The following CEP112 variants were observed in gnomAD, a reference collection of about 807,000 sequenced individuals.
CEP112 encodes the protein centrosomal protein of 112 kDa.
Under a neutral mutation model 153.0 loss-of-function variants are expected in CEP112, and 127 were observed. The ratio of observed to expected loss-of-function variants is 0.83; its 90% CI spans 0.72 to 0.96. CEP112 has a LOEUF of 0.96. CEP112 is among the 40% of genes least tolerant of loss of function. The probability of loss-of-function intolerance (pLI) is 0.00; values close to 1 mark genes in which losing one functional copy is unlikely to be tolerated. For missense variants in CEP112, 1,089 were observed against 1,101.2 expected (o/e 0.99, Z 0.16); for synonymous variants, 358 against 374.4 (o/e 0.96, Z 0.51).
intron 8 of CEP112, among the ~76,000 whole-genome samples, chr17:66,089,481 A>G (rs1331338316): frequency 6.6e-6 from 1 of 152,230 alleles, no homozygotes; most frequent in East Asian, 1.9e-4. Context: ...GAGAAATTTA[A>G]CAGAGAAATT....
At chr17:65,995,050 G>A (rs2063734175) in intron 17 of CEP112, among the ~76,000 whole-genome samples, 1 of 151,760 alleles carries the variant, frequency 6.6e-6, no homozygotes. Context: ...CATCAAACCC[G>A]AAGAGCTCCC....
intron 26 of CEP112, 55 bp downstream of exon 26, chr17:65,637,069 C>T: frequency 7.5e-7 from 1 of 1,335,372 alleles, no homozygotes; most frequent in Non-Finnish European, 1.1e-6. Context: ...AGGAGGCTCA[C>T]AGGTGACACA....
intron 21 of CEP112, among the ~76,000 whole-genome samples, chr17:65,762,594 CAT>C (rs2052676470): frequency 6.6e-6 from 1 of 151,782 alleles, no homozygotes; most frequent in Admixed American, 6.6e-5. Flanking sequence ...TTTTTTAAAA[CAT>C]ATTTTTTACT....
Position 65,863,484 on chromosome 17 carries a change from T to C in CEP112, c.2164-11450A>G, listed in dbSNP as rs962802190. On this transcript the variant is annotated intron_variant, in intron 20 of 26. Transcript: ENST00000535342. ...TAGGCATGATTAAAAATAAACAAAA[T>C]GGGCCGGGCGCGGTGGCTCACGCCT... 4.6e-5 allele frequency among the ~76,000 whole-genome samples: 7 copies of C among 151,888 alleles called. 1 individual carries two copies. Among genetic ancestry groups the C allele is most frequent in the Non-Finnish European group, 1.0e-4 (7 of 67,990 alleles).
intron 8 of CEP112, among the ~76,000 whole-genome samples, chr17:66,092,453 T>C (rs1234639237): frequency 6.6e-6 from 1 of 151,042 alleles, no homozygotes; most frequent in African/African-American, 2.4e-5. Flanking sequence ...CTACCAAACA[T>C]TGAAAGACCT....
intron 4 of CEP112, among the ~76,000 whole-genome samples, chr17:66,153,108 T>C (rs1461266138): frequency 1.3e-5 from 2 of 152,142 alleles, no homozygotes; most frequent in Non-Finnish European, 2.9e-5. Flanking sequence ...GGATACAAAA[T>C]GGAACAGCCA....
rs1323777396 is a variant in CEP112 at position 65,660,336 on chromosome 17, T to G, written c.2698-19271A>C. 4.1e-5 allele frequency among the ~76,000 whole-genome samples: 4 copies of G among 97,212 alleles called. No homozygotes were observed. In the East Asian group the frequency reaches 1.4e-3, roughly 35 times the overall value. 63.8% of individuals were successfully genotyped at this position (97,212 alleles called of 152,430 possible). The stretch of plus-strand genomic sequence containing the variant: ...TCTTTCTTCCTTTCTTTCTCTTTCT[T>G]TCTTTTTCTCTCTCGTTCCTTCCTC... On this transcript the variant is annotated intron_variant, in intron 24 of 26. Coordinates refer to ENST00000535342, the MANE Select transcript of CEP112 (RefSeq NM_001199165.4).
chr17:66,179,161 CT>C (rs1184528433), intron 2 of CEP112, among the ~76,000 whole-genome samples: 1 of 152,036 alleles, frequency 6.6e-6, no homozygotes, highest in Non-Finnish European at 1.5e-5. Context: ...CTCAGGATAA[CT>C]TTGGCTATTC....
At chr17:65,937,347 G>C (rs1296927021) in intron 18 of CEP112, among the ~76,000 whole-genome samples, 1 of 111,904 alleles carries the variant, frequency 8.9e-6, no homozygotes, top group East Asian at 4.6e-4. Flanking sequence ...CCTCTTCCCG[G>C]CCGCCATCCC....
At chr17:66,055,438 G>C (rs905362692) in intron 11 of CEP112, among the ~76,000 whole-genome samples, 1 of 152,168 alleles carries the variant, frequency 6.6e-6, no homozygotes, top group Admixed American at 6.5e-5. Context: ...GTTCAAAAGT[G>C]AGTCACATAG....
chr17:65,739,249 C>A (rs1180608879), intron 23 of CEP112, among the ~76,000 whole-genome samples: 1 of 152,184 alleles, frequency 6.6e-6, no homozygotes, highest in African/African-American at 2.4e-5. Context: ...CTGATCCCTG[C>A]CCAAATTTCT....
intron 17 of CEP112, among the ~76,000 whole-genome samples, chr17:65,963,751 C>T (rs570998959): frequency 1.4e-4 from 22 of 151,936 alleles, no homozygotes; most frequent in African/African-American, 2.2e-4. Flanking sequence ...ATTTGGGATC[C>T]GCAAACAGGC....
Position 66,148,943 on chromosome 17 carries a change from A to G in CEP112, c.471-16180T>C, listed in dbSNP as rs775196072. 1.9e-4 allele frequency among the ~76,000 whole-genome samples: 29 copies of G among 152,212 alleles called. 1 individual carries two copies. Among genetic ancestry groups the G allele is most frequent in the Non-Finnish European group, 2.4e-4 (16 of 68,028 alleles). On this transcript the variant is annotated intron_variant, in intron 4 of 26. Coordinates refer to ENST00000535342, the MANE Select transcript of CEP112 (RefSeq NM_001199165.4). ...GAGGAAAAGCTTTCAGTCTTTCACT[A>G]TAAGAATAATGTCTATAGGCTTTAA...
chr17:66,132,215 G>C (rs1295769137), intron 5 of CEP112, among the ~76,000 whole-genome samples: 1 of 130,682 alleles, frequency 7.7e-6, no homozygotes. Flanking sequence ...GCTAACTGGA[G>C]TGCTCATTAG....
At chr17:65,692,163 C>T (rs1477835274) in intron 23 of CEP112, among the ~76,000 whole-genome samples, 1 of 151,928 alleles carries the variant, frequency 6.6e-6, no homozygotes, top group Non-Finnish European at 1.5e-5. Context: ...GTAATTGAGG[C>T]TCCATGCAGT....
At chr17:66,128,943 G>A (rs982627014) in intron 6 of CEP112, among the ~76,000 whole-genome samples, 9 of 151,980 alleles carry the variant, frequency 5.9e-5, no homozygotes, top group Non-Finnish European at 1.5e-5. Flanking sequence ...GTTAACACAG[G>A]TCTCTGTTGA....
At chr17:65,678,636 T>C (rs1044426240) in intron 24 of CEP112, among the ~76,000 whole-genome samples, 2 of 152,176 alleles carry the variant, frequency 1.3e-5, no homozygotes, top group Non-Finnish European at 2.9e-5. Context: ...CAGAGATCTG[T>C]GTGCTCCTGC....
At position 65,648,009 on chromosome 17, in the gene CEP112, A is replaced by G. The variant is rs145348328; in HGVS notation, c.2698-6944T>C. 5.6e-3 allele frequency among the ~76,000 whole-genome samples: 852 copies of G among 152,314 alleles called. 13 individuals carry two copies. The highest frequency in any genetic ancestry group is 0.02 in the African/African-American group (817 of 41,564). On this transcript the variant is annotated intron_variant, in intron 24 of 26. Transcript: ENST00000535342. ...TGATTCAAGATCAAAATTTTTACTCATACATGTATTTTATTATTATATTTG... is the reference window on the plus strand; with the variant it reads ...TGATTCAAGATCAAAATTTTTACTCGTACATGTATTTTATTATTATATTTG...
chr17:65,655,803 GT>G (rs1453812899), intron 24 of CEP112, among the ~76,000 whole-genome samples: 3 of 152,102 alleles, frequency 2.0e-5, no homozygotes, highest in African/African-American at 7.2e-5. Flanking sequence ...ATAAACACAT[GT>G]GAATATTAAA....
Sources: gnomAD v4.1 joint callset for allele counts (sites outside exome capture counted in the v4.1 genomes callset) on GRCh38, gnomAD v4.1.1 for gene constraint, MANE v1.5 for transcripts, NCBI Gene and HGNC (gene_info 2026-07-23, HGNC 2026-07-21) for gene names.